The following SCD5 variants were observed in gnomAD, a reference collection of about 807,000 sequenced individuals.
SCD5 encodes stearoyl-CoA desaturase 5.
In SCD5, 20 loss-of-function variants were observed where a neutral mutation model predicts 30.4. The ratio of observed to expected loss-of-function variants is 0.66; its 90% confidence interval spans 0.46 to 0.96. The LOEUF (loss-of-function observed/expected upper bound fraction) is 0.96, where lower values mean the gene tolerates loss of function less well. Ranked by LOEUF, SCD5 falls within the 40% of genes least tolerant of loss-of-function variation. The pLI is 0.00. For synonymous variants in SCD5, 173 were observed against 176.4 expected, an observed-to-expected ratio of 0.98 and a Z score of 0.16; for missense variants, 381 against 443.3, an observed-to-expected ratio of 0.86 and a Z score of 1.26.
chr4:82,774,734 G>A (rs1439450036), intron 1 of SCD5, among the ~76,000 whole-genome samples: 2 of 152,092 alleles, frequency 1.3e-5, no homozygotes, highest in East Asian at 3.9e-4. Context: ...CTGTTACATA[G>A]ACCCAGTCTC....
intron 3 of SCD5, among the ~76,000 whole-genome samples, chr4:82,675,083 C>T (rs1728408591): frequency 6.6e-6 from 1 of 152,104 alleles, no homozygotes; most frequent in Non-Finnish European, 1.5e-5. Context: ...AACCCATGGA[C>T]TATACAACAC....
chr4:82,770,209 G>A (rs1267209552), intron 1 of SCD5, among the ~76,000 whole-genome samples: 6 of 151,910 alleles, frequency 3.9e-5, no homozygotes, highest in South Asian at 2.1e-4. Context: ...GATAGGCCCC[G>A]GTGTGTGATG....
chr4:82,785,209 G>T (rs1055855283), intron 1 of SCD5, among the ~76,000 whole-genome samples: 10 of 152,208 alleles, frequency 6.6e-5, no homozygotes, highest in Admixed American at 4.6e-4. Context: ...ATTATTTTGA[G>T]CTGAAAGCAA....
intron 1 of SCD5, chr4:82,775,415 A>C (rs1230708201): frequency 6.6e-6 from 1 of 152,302 alleles, no homozygotes; most frequent in Non-Finnish European, 1.5e-5. Flanking sequence ...CAGATAAAGG[A>C]AAGTGGGGGA....
chr4:82,743,668 C>T lies in SCD5; in HGVS notation c.233-38255G>A, dbSNP rs575956161. ...TCCCAAGTAGCTGGGACTACAGGCA[C>T]GTGCCACCATGCCTGGCTAATTTTT... On this transcript the variant is annotated intron_variant, in intron 1 of 4. Transcript: ENST00000319540. Among the ~76,000 whole-genome samples, 16 of 152,082 alleles carry T rather than the reference C, an allele frequency of 1.1e-4. 1 individual carries two copies. The highest frequency in any genetic ancestry group is 2.9e-4 in the African/African-American group (12 of 41,482).
chr4:82,661,695 T>TC (rs1728012062), intron 3 of SCD5, among the ~76,000 whole-genome samples: 2 of 152,208 alleles, frequency 1.3e-5, no homozygotes, highest in South Asian at 2.1e-4. Flanking sequence ...CAAATTTTTC[T>TC]CCTATGCCAC....
chr4:82,730,266 T>C (rs6837394), intron 1 of SCD5, among the ~76,000 whole-genome samples: 17,451 of 100,024 alleles, frequency 0.17, 1,138 homozygotes, highest in African/African-American at 0.35. Flanking sequence ...TATACATTTA[T>C]ATATATAGTT....
At chr4:82,640,677 C>G (rs973040561) in intron 3 of SCD5, among the ~76,000 whole-genome samples, 2 of 152,182 alleles carry the variant, frequency 1.3e-5, no homozygotes, top group Non-Finnish European at 2.9e-5. Context: ...CTTTTAGCCT[C>G]GAGCAGCTGG....
At chr4:82,637,215 C>G (rs1727452089) in intron 3 of SCD5, among the ~76,000 whole-genome samples, 1 of 152,186 alleles carries the variant, frequency 6.6e-6, no homozygotes, top group Non-Finnish European at 1.5e-5. Flanking sequence ...TTCAGGTTTT[C>G]TCAAATAATT....
At chr4:82,688,301 C>T (rs1025436538) in intron 2 of SCD5, among the ~76,000 whole-genome samples, 15 of 151,852 alleles carry the variant, frequency 9.9e-5, no homozygotes, top group Non-Finnish European at 1.6e-4. Flanking sequence ...TGTGCATGTG[C>T]GTGTGCGTGC....
intron 1 of SCD5, among the ~76,000 whole-genome samples, chr4:82,764,514 T>C (rs1280617785): frequency 3.3e-5 from 5 of 152,218 alleles, no homozygotes; most frequent in African/African-American, 4.8e-5. Flanking sequence ...GTGGTTGCTT[T>C]AGGGTTCATA....
At chr4:82,694,951 G>A (rs1352374047) in intron 2 of SCD5, among the ~76,000 whole-genome samples, 1 of 146,382 alleles carries the variant, frequency 6.8e-6, no homozygotes, top group Non-Finnish European at 1.5e-5. Context: ...AACCTAAGGA[G>A]ATTGTGGAAA....
At chr4:82,680,568 A>G in intron 3 of SCD5, 139 bp downstream of exon 3, 1 of 734,060 alleles carries the variant, frequency 1.4e-6, no homozygotes, top group Non-Finnish European at 2.2e-6. Flanking sequence ...TAATAAATAG[A>G]GATAAATCTT....
At chr4:82,633,544 T>C (rs1219413570) in intron 4 of SCD5, among the ~76,000 whole-genome samples, 2 of 152,222 alleles carry the variant, frequency 1.3e-5, no homozygotes, top group African/African-American at 4.8e-5. Context: ...TTTAATTTTT[T>C]TGAGCAACCT....
chr4:82,769,799 G>C (rs1721578312), intron 1 of SCD5, among the ~76,000 whole-genome samples: 4 of 152,216 alleles, frequency 2.6e-5, no homozygotes, highest in Admixed American at 2.6e-4. Context: ...TACAGAGTGA[G>C]AGGGAGGAAG....
At chr4:82,635,108 A>G (rs1175426738) in intron 4 of SCD5, among the ~76,000 whole-genome samples, 4 of 152,178 alleles carry the variant, frequency 2.6e-5, no homozygotes, top group South Asian at 4.1e-4. Flanking sequence ...CCTATGTTTG[A>G]TCTCTGTGCT....
intron 1 of SCD5, among the ~76,000 whole-genome samples, chr4:82,750,114 A>G (rs1721069476): frequency 6.6e-6 from 1 of 152,240 alleles, no homozygotes. Flanking sequence ...AATAGTCCAT[A>G]AAGTACACAA....
At chr4:82,787,745 T>A (rs1264349003) in intron 1 of SCD5, among the ~76,000 whole-genome samples, 1 of 152,150 alleles carries the variant, frequency 6.6e-6, no homozygotes, top group East Asian at 1.9e-4. Flanking sequence ...AAAAGGCTGG[T>A]GGGCTAGACT....
At chr4:82,752,274 T>TATATATAA (rs1721120379) in intron 1 of SCD5, among the ~76,000 whole-genome samples, 1 of 13,318 alleles carries the variant, frequency 7.5e-5, no homozygotes, top group African/African-American at 3.7e-4. Context: ...TTTAAAAAAT[T>TATATATAA]ATATATATAT....
Sources: allele counts gnomAD v4.1 joint callset (sites outside exome capture counted in the v4.1 genomes callset), GRCh38; gene constraint gnomAD v4.1.1; transcripts MANE v1.5; gene names NCBI Gene and HGNC (gene_info 2026-07-23, HGNC 2026-07-21).